RASA3: variants seen among roughly 807,000 people sequenced by gnomAD.
RASA3 encodes the protein ras GTPase-activating protein 3.
In RASA3, 73 loss-of-function variants were observed where a neutral mutation model predicts 110.0. The observed-to-expected ratio is 0.66, with a 90% confidence interval of 0.55 to 0.81. The LOEUF is 0.81. Among genes scored for constraint, RASA3 ranks in the 30% least tolerant of loss-of-function variants. RASA3 has a pLI of 0.00. For synonymous variants in RASA3, 500 were observed against 451.4 expected, an observed-to-expected ratio of 1.11 and a Z score of -1.37; for missense variants, 976 against 1,113.2, an observed-to-expected ratio of 0.88 and a Z score of 1.75.
intron 22 of RASA3, among the ~76,000 whole-genome samples, chr13:113,992,150 CT>C (rs1486037727): frequency 3.9e-5 from 6 of 152,256 alleles, no homozygotes; most frequent in African/African-American, 1.4e-4. Flanking sequence ...TGCAAGCACA[CT>C]CACATACGTG....
chr13:114,001,701 C>T (rs950816138), intron 18 of RASA3, among the ~76,000 whole-genome samples: 15 of 150,438 alleles, frequency 1.0e-4, no homozygotes, highest in Admixed American at 4.6e-4. Flanking sequence ...CGCTCACACA[C>T]GGAGGACCTG....
Position 113,979,398 on chromosome 13 carries a change from G to C in RASA3, c.2454C>G (p.Ser818Arg). ...GSQEHPIGDK[S>R]FQNYIRQQSE... ...ACTGCTGCCGGATGTAGTTCTGGAA[G>C]CTCTTGTCTCCGATGGGGTGCTCCC... Residue 818 changes from serine to arginine, a missense_variant, in exon 24 of 24, where the codon AGC becomes AGG. By Grantham distance (110) the Ser-to-Arg change is moderately radical. Coordinates refer to ENST00000334062, the MANE Select transcript of RASA3 (RefSeq NM_007368.4). 1 of 1,605,976 alleles carries C rather than the reference G, an allele frequency of 6.2e-7. No homozygotes were observed. The highest frequency in any genetic ancestry group is 8.5e-7 in the Non-Finnish European group (1 of 1,172,758).
intron 1 of RASA3, among the ~76,000 whole-genome samples, chr13:114,104,641 GA>G (rs1052026248): frequency 3.9e-5 from 6 of 152,184 alleles, no homozygotes; most frequent in African/African-American, 1.4e-4. Flanking sequence ...CCAAAAGCCT[GA>G]ACCGCACAAG....
intron 5 of RASA3, 95 bp downstream of exon 5, chr13:114,029,716 A>G: frequency 8.7e-7 from 1 of 1,147,442 alleles, no homozygotes. Context: ...GGCTCTGGAA[A>G]TTCTTGTGCG....
chr13:114,109,337 A>C (rs1307788599), intron 1 of RASA3, among the ~76,000 whole-genome samples: 1 of 152,130 alleles, frequency 6.6e-6, no homozygotes, highest in African/African-American at 2.4e-5. Flanking sequence ...CCTCGAACTC[A>C]GCTCGTTTGT....
Position 114,054,496 on chromosome 13 carries a change from G to C in RASA3, c.174-2341C>G, listed in dbSNP as rs572562971. ...GGGGCCCAGAGTCCAGGTGGGAGGG[G>C]TCCAGAGTCCAGGCCCCACCCCTTC... On this transcript the variant is annotated intron_variant, in intron 2 of 23. Coordinates refer to ENST00000334062, the MANE Select transcript of RASA3 (RefSeq NM_007368.4). Among the ~76,000 whole-genome samples the C allele has an allele frequency of 2.6e-5, 4 of 152,208 alleles. No individual in the cohort carries two copies. In the East Asian group the frequency reaches 7.7e-4, roughly 29 times the overall value.
chr13:114,092,491 T>C (rs748627378), intron 1 of RASA3, among the ~76,000 whole-genome samples: 25 of 152,224 alleles, frequency 1.6e-4, no homozygotes, highest in Non-Finnish European at 2.9e-4. Flanking sequence ...CCTCTTGCTA[T>C]GGTTTCTAGT....
chr13:114,120,118 C>T (rs796186952), intron 1 of RASA3, among the ~76,000 whole-genome samples: 18 of 11,428 alleles, frequency 1.6e-3, no homozygotes, highest in Non-Finnish European at 2.0e-3. Context: ...GCCCCCCTCC[C>T]CTCTCCAGCC....
chr13:114,059,307 C>T (rs1271279833), intron 2 of RASA3, among the ~76,000 whole-genome samples: 1 of 152,224 alleles, frequency 6.6e-6, no homozygotes, highest in African/African-American at 2.4e-5. Flanking sequence ...TAATTCAGGC[C>T]CTGGTAAGCT....
chr13:114,018,708 C>T (rs1459250448), intron 10 of RASA3, 55 bp downstream of exon 10: 16 of 1,595,432 alleles, frequency 1.0e-5, no homozygotes, highest in Admixed American at 1.7e-5. Flanking sequence ...AGGGTGGGGC[C>T]CCAGGCAGGT....
chr13:114,007,457 T>TCC lies in RASA3; in HGVS notation c.1742+74_1742+75dup, dbSNP rs533440885. The TCC allele has an allele frequency of 5.4e-3, 2,115 of 394,854 alleles. 396 individuals carry two copies. Among genetic ancestry groups the TCC allele is most frequent in the Admixed American group, 0.047 (942 of 19,938 alleles). 24.5% of individuals were successfully genotyped at this position (394,854 alleles called of 1,614,324 possible). On this transcript the variant is annotated intron_variant, in intron 18 of 23. Transcript: ENST00000334062. ...CCTGCCGGACACCACCTTACCCTTCTCCCCTCCTGCCCTGCTGGACACCAC... is the reference window on the plus strand; with the variant it reads ...CCTGCCGGACACCACCTTACCCTTCTCCCCCCTCCTGCCCTGCTGGACACCAC...
chr13:114,057,375 A>T lies in RASA3; in HGVS notation c.174-5220T>A, dbSNP rs1342683584. On this transcript the variant is annotated intron_variant, in intron 2 of 23. Coordinates refer to ENST00000334062, the MANE Select transcript of RASA3 (RefSeq NM_007368.4). This position sits in a 1 kb window ranked among gnomAD's most constrained non-coding sequence, Gnocchi z 5.0. Reference sequence around the variant, plus strand: ...CCCACGAGCTGGACGAGCAGAAGGCATTGCAGGGCAGTGGGGTCCGGAGAG... The same window carrying T: ...CCCACGAGCTGGACGAGCAGAAGGCTTTGCAGGGCAGTGGGGTCCGGAGAG... 2 of 985,278 alleles carry T rather than the reference A, an allele frequency of 2.0e-6. No homozygotes were observed. The highest frequency in any genetic ancestry group is 3.5e-5 in the African/African-American group (2 of 57,236). 61.0% of individuals were successfully genotyped at this position (985,278 alleles called of 1,614,324 possible).
At position 114,011,851 on chromosome 13, in the gene RASA3, G is replaced by A. The variant is rs113508632; in HGVS notation, c.1513-603C>T. On this transcript the variant is annotated intron_variant, in intron 15 of 23. Coordinates refer to ENST00000334062, the MANE Select transcript of RASA3 (RefSeq NM_007368.4). The surrounding 1 kb of genome is among the most constrained non-coding windows in gnomAD (Gnocchi z 4.8). ...GCACGAGAATTGCTTGAACCCAGGA[G>A]GCAGAGGTTGCAGTGAGCTGAGATG... Among the ~76,000 whole-genome samples the A allele has an allele frequency of 1.9e-3, 292 of 152,176 alleles. 1 individual carries two copies. Among genetic ancestry groups the A allele is most frequent in the African/African-American group, 6.6e-3 (273 of 41,502 alleles).
rs551904839 is a variant in RASA3, at chr13:114,115,372, C to T, written c.55+17063G>A. Among the ~76,000 whole-genome samples, 7 of 152,314 alleles carry T rather than the reference C, an allele frequency of 4.6e-5. No individual in the cohort carries two copies. Among genetic ancestry groups the T allele is most frequent in the East Asian group, 1.9e-4 (1 of 5,182 alleles). On this transcript the variant is annotated intron_variant, in intron 1 of 23. Transcript: ENST00000334062. This position sits in a 1 kb window ranked among gnomAD's most constrained non-coding sequence, Gnocchi z 5.0. ...CAGTCACACCGACCCTTGGCCCGGG[C>T]GAGGCCACGTGTCCCACAAAACATA...
intron 1 of RASA3, among the ~76,000 whole-genome samples, chr13:114,082,012 C>T (rs1330520298): frequency 6.6e-6 from 1 of 152,236 alleles, no homozygotes; most frequent in African/African-American, 2.4e-5. Context: ...CTGGACCCCA[C>T]CCAGAGATTG....
chr13:113,992,133 G>A (rs551639269), intron 22 of RASA3, among the ~76,000 whole-genome samples: 25 of 152,132 alleles, frequency 1.6e-4, no homozygotes, highest in African/African-American at 3.9e-4. Flanking sequence ...ACGTGTGTCC[G>A]CACACATGCA....
intron 1 of RASA3, among the ~76,000 whole-genome samples, chr13:114,103,192 C>T (rs1158677115): frequency 6.6e-6 from 1 of 152,144 alleles, no homozygotes; most frequent in Non-Finnish European, 1.5e-5. Context: ...GAGGGTCTCC[C>T]CCAAGTCCAC....
rs368147603 is a variant in RASA3 at position 113,996,782 on chromosome 13, G to A, written c.1933-43C>T. 83 of 1,556,124 alleles carry A rather than the reference G, an allele frequency of 5.3e-5. No individual in the cohort carries two copies. The Middle Eastern group carries it at 8.4e-4, about 16-fold the overall frequency. ...CTCAGGACAGCGCACATGAGGTCTC[G>A]TGGCTGAGCACGTGCAAGAGTCCAC... On this transcript the variant is annotated intron_variant, in intron 20 of 23. Transcript: ENST00000334062.
At chr13:114,097,833 AG>A (rs1233029373) in intron 1 of RASA3, among the ~76,000 whole-genome samples, 2 of 152,190 alleles carry the variant, frequency 1.3e-5, no homozygotes, top group African/African-American at 4.8e-5. Flanking sequence ...TGGATGCCTC[AG>A]GAAGGCCCTG....
Sources: allele counts gnomAD v4.1 joint callset (sites outside exome capture counted in the v4.1 genomes callset), GRCh38; gene constraint gnomAD v4.1.1; non-coding constraint Gnocchi (gnomAD v3.1); transcripts MANE v1.5; gene names NCBI Gene and HGNC (gene_info 2026-07-23, HGNC 2026-07-21).